Variants in DCDC1 observed in about 807,000 individuals in gnomAD.
DCDC1 encodes doublecortin domain-containing protein 1.
A neutral mutation model predicts 178.3 loss-of-function variants in DCDC1; 200 were observed. The ratio of observed to expected loss-of-function variants is 1.12; its 90% CI spans 1.00 to 1.26. The LOEUF (loss-of-function observed/expected upper bound fraction) is 1.26, where lower values mean the gene tolerates loss of function less well. Among genes scored for constraint, DCDC1 ranks in the 50% most tolerant of loss-of-function variants. The probability of loss-of-function intolerance (pLI) is 0.00; values close to 1 mark genes in which losing one functional copy is unlikely to be tolerated. For missense variants in DCDC1, 1,983 were observed against 1,749.2 expected (o/e 1.13, Z -2.38); for synonymous variants, 690 against 604.8 (o/e 1.14, Z -2.07).
At chr11:31,355,330 G>C (rs920126235) in intron 1 of DCDC1, among the ~76,000 whole-genome samples, 2 of 152,146 alleles carry the variant, frequency 1.3e-5, no homozygotes, top group African/African-American at 4.8e-5. Context: ...ACGCTGGAAA[G>C]AGGCCTCACT....
chr11:31,200,647 AT>A (rs887760122), intron 9 of DCDC1, among the ~76,000 whole-genome samples: 10 of 151,912 alleles, frequency 6.6e-5, no homozygotes, highest in East Asian at 3.9e-4. Flanking sequence ...AAATAATATT[AT>A]TTTTTAAAGG....
intron 38 of DCDC1, among the ~76,000 whole-genome samples, chr11:30,867,578 A>G (rs947371611): frequency 6.6e-6 from 1 of 152,160 alleles, no homozygotes; most frequent in African/African-American, 2.4e-5. Flanking sequence ...GGAAGGTAAG[A>G]CTCAAGTCAG....
intron 2 of DCDC1, among the ~76,000 whole-genome samples, chr11:31,334,057 C>T (rs1041993889): frequency 6.6e-6 from 1 of 152,172 alleles, no homozygotes; most frequent in African/African-American, 2.4e-5. Flanking sequence ...TCCCATAATT[C>T]TTGGAGGCTT....
chr11:31,229,083 A>G (rs1183449904), intron 9 of DCDC1, among the ~76,000 whole-genome samples: 6 of 152,132 alleles, frequency 3.9e-5, no homozygotes, highest in African/African-American at 1.4e-4. Flanking sequence ...AAATAACTAT[A>G]TGTCTACTAA....
chr11:31,249,185 A>G (rs1033227473), intron 8 of DCDC1, among the ~76,000 whole-genome samples: 1 of 152,294 alleles, frequency 6.6e-6, no homozygotes, highest in South Asian at 2.1e-4. Flanking sequence ...AGTGATGATT[A>G]TATCTTCATG....
Position 30,863,864 on chromosome 11 carries a change from C to A in DCDC1, c.*1509G>T, listed in dbSNP as rs529643591. ...TTTTTGGGCTGGGTGTGGTGGCTTA[C>A]GCCTGTAATCCCAGCACTTTGGGAG... On this transcript the variant is annotated 3_prime_UTR_variant, in exon 39 of 39. Transcript: ENST00000684477. The A allele has an allele frequency of 6.6e-6, 1 of 152,232 alleles. No individual in the cohort carries two copies. The highest frequency in any genetic ancestry group is 1.5e-5 in the Non-Finnish European group (1 of 68,048). The allele number at this position is 152,232 out of a possible 1,614,324, so 9.4% of individuals were successfully genotyped here. A position where few individuals can be genotyped will look rare whatever the true frequency, so the allele number is the denominator to read the frequency against.
chr11:30,878,851 CT>C, intron 37 of DCDC1, 140 bp from the exon 38 acceptor site: 1 of 684,332 alleles, frequency 1.5e-6, no homozygotes, highest in Non-Finnish European at 2.3e-6. Flanking sequence ...ACAACTTTGA[CT>C]TCTTATCACA....
chr11:31,346,211 AAG>A (rs1236020008), intron 1 of DCDC1, among the ~76,000 whole-genome samples: 1 of 152,048 alleles, frequency 6.6e-6, no homozygotes, highest in Non-Finnish European at 1.5e-5. Flanking sequence ...GTTACAAATG[AAG>A]AGACTCAAGA....
intron 21 of DCDC1, among the ~76,000 whole-genome samples, chr11:30,932,740 C>G (rs1947016496): frequency 6.6e-6 from 1 of 152,034 alleles, no homozygotes; most frequent in Non-Finnish European, 1.5e-5. Context: ...AGTCCTGAAG[C>G]CTTCGTAGGA....
intron 7 of DCDC1, among the ~76,000 whole-genome samples, chr11:31,273,140 TG>T (rs1407912384): frequency 6.6e-6 from 1 of 152,212 alleles, no homozygotes; most frequent in African/African-American, 2.4e-5. Context: ...ACTTCTGACA[TG>T]CCCTGGAGAC....
intron 30 of DCDC1, chr11:30,906,191 A>C (rs1945048009): frequency 5.2e-6 from 1 of 191,436 alleles, no homozygotes; most frequent in Non-Finnish European, 1.1e-5. Flanking sequence ...GCTAGTAAAA[A>C]GAAGTTTTTT....
intron 17 of DCDC1, among the ~76,000 whole-genome samples, chr11:31,078,370 G>A (rs117695009): frequency 9.5e-4 from 144 of 152,206 alleles, no homozygotes; most frequent in East Asian, 6.8e-3. Context: ...AATTTTGTCA[G>A]GGAATATTGT....
chr11:31,119,009 C>T (rs1960392655), intron 11 of DCDC1, among the ~76,000 whole-genome samples: 1 of 152,052 alleles, frequency 6.6e-6, no homozygotes, highest in Non-Finnish European at 1.5e-5. Flanking sequence ...CTGGCATTTT[C>T]CCCCCAAAAT....
intron 27 of DCDC1, among the ~76,000 whole-genome samples, chr11:30,914,803 A>T (rs2134200091): frequency 6.6e-6 from 1 of 152,268 alleles, no homozygotes; most frequent in South Asian, 2.1e-4. Flanking sequence ...TTTTAATTTT[A>T]TCTGTAAATA....
intron 9 of DCDC1, among the ~76,000 whole-genome samples, chr11:31,156,965 T>C (rs1965771594): frequency 6.6e-6 from 1 of 152,150 alleles, no homozygotes. Flanking sequence ...ATCAAAGGAA[T>C]GAAAGTAGAT....
intron 22 of DCDC1, among the ~76,000 whole-genome samples, chr11:30,928,959 T>C (rs1354829929): frequency 6.6e-6 from 1 of 152,012 alleles, no homozygotes; most frequent in Non-Finnish European, 1.5e-5. Flanking sequence ...ATGATGATCA[T>C]AGAAAAAGAT....
At chr11:31,036,469 C>G (rs769751302) in intron 20 of DCDC1, among the ~76,000 whole-genome samples, 1 of 152,186 alleles carries the variant, frequency 6.6e-6, no homozygotes, top group Non-Finnish European at 1.5e-5. Flanking sequence ...CTGTGACAGA[C>G]ACTATAAAAA....
At chr11:31,283,595 T>C (rs528785188) in intron 7 of DCDC1, among the ~76,000 whole-genome samples, 100 of 152,216 alleles carry the variant, frequency 6.6e-4, no homozygotes, top group Non-Finnish European at 8.8e-5. Flanking sequence ...TTATCTTTAC[T>C]GGAATCTTCA....
At chr11:31,128,358 G>A (rs575413654) in intron 10 of DCDC1, among the ~76,000 whole-genome samples, 1 of 152,200 alleles carries the variant, frequency 6.6e-6, no homozygotes, top group African/African-American at 2.4e-5. Flanking sequence ...ATTTTAGACA[G>A]ACATATGAGC....
Sources: allele counts gnomAD v4.1 joint callset (sites outside exome capture counted in the v4.1 genomes callset), GRCh38; gene constraint gnomAD v4.1.1; transcripts MANE v1.5; gene names NCBI Gene and HGNC (gene_info 2026-07-23, HGNC 2026-07-21).